Variants in DIP2C observed in about 807,000 individuals in gnomAD.
DIP2C encodes disco-interacting protein 2 homolog C.
Under a neutral mutation model 192.4 loss-of-function variants are expected in DIP2C, and 33 were observed. That is an observed-to-expected ratio of 0.17 (90% CI 0.13 to 0.23). The LOEUF (loss-of-function observed/expected upper bound fraction) is 0.23, where lower values mean the gene tolerates loss of function less well. Among genes scored for constraint, DIP2C ranks in the 10% least tolerant of loss-of-function variants. The probability of loss-of-function intolerance (pLI) is 1.00; values close to 1 mark genes in which losing one functional copy is unlikely to be tolerated. For missense variants in DIP2C, 1,537 were observed against 2,110.1 expected (o/e 0.73, Z 5.32); for synonymous variants, 979 against 864.1 (o/e 1.13, Z -2.33).
chr10:312,215 C>T (rs1956595992), intron 31 of DIP2C, among the ~76,000 whole-genome samples: 1 of 152,212 alleles, frequency 6.6e-6, no homozygotes, highest in Non-Finnish European at 1.5e-5. Context: ...CTGTTTTCTT[C>T]TCCTCCTCGT....
rs190117301 is a variant in DIP2C at position 348,349 on chromosome 10, G to A, written c.3231+292C>T. 5.3e-4 allele frequency among the ~76,000 whole-genome samples: 80 copies of A among 152,338 alleles called. 2 individuals are homozygous for A. In the South Asian group the frequency reaches 5.6e-3, roughly 11 times the overall value. ...GTGGTCGGTCTGCTCAGCTGGGTTC[G>A]TGAGGAAGCCCGAGGAATGGTGGTG... On this transcript the variant is annotated intron_variant, in intron 26 of 36. Coordinates refer to ENST00000280886, the MANE Select transcript of DIP2C (RefSeq NM_014974.3).
chr10:577,395 C>T (rs888046781), intron 1 of DIP2C, among the ~76,000 whole-genome samples: 1 of 152,110 alleles, frequency 6.6e-6, no homozygotes, highest in African/African-American at 2.4e-5. Context: ...AAGTCAGTAC[C>T]CTTTCTATGT....
chr10:382,803 G>A (rs375412200), intron 16 of DIP2C, 42 bp from the exon 17 acceptor site: 2 of 1,400,470 alleles, frequency 1.4e-6, no homozygotes, highest in Non-Finnish European at 2.0e-6. Flanking sequence ...CTGAAGCACT[G>A]TGATTGATTA....
chr10:663,144 G>T (rs1256334523), intron 1 of DIP2C: 6 of 488,490 alleles, frequency 1.2e-5, no homozygotes, highest in Admixed American at 3.6e-5. Context: ...CCTCAGCATG[G>T]GTGAGTTTCT....
Position 574,446 on chromosome 10 carries a change from C to G in DIP2C, c.86-87916G>C, listed in dbSNP as rs781776769. On this transcript the variant is annotated intron_variant, in intron 1 of 36. Transcript: ENST00000280886. The stretch of plus-strand genomic sequence containing the variant: ...CTAACGATGAAGCAGAAGACAATTC[C>G]TCAGCAGACAGCCTCATATGACGTG... Among the ~76,000 whole-genome samples the G allele has an allele frequency of 3.7e-4, 56 of 152,328 alleles. 1 individual carries two copies. Among genetic ancestry groups the G allele is most frequent in the Non-Finnish European group, 7.2e-4 (49 of 68,024 alleles).
intron 1 of DIP2C, among the ~76,000 whole-genome samples, chr10:501,658 AAGC>A (rs1366866906): frequency 1.3e-5 from 2 of 152,196 alleles, no homozygotes; most frequent in Middle Eastern, 3.4e-3. Flanking sequence ...TTGCAGAACA[AAGC>A]AGTCCAGACA....
chr10:304,312 G>C (rs1249790547), intron 32 of DIP2C, among the ~76,000 whole-genome samples: 2 of 152,156 alleles, frequency 1.3e-5, no homozygotes, highest in Non-Finnish European at 2.9e-5. Flanking sequence ...CTTCATTACA[G>C]TCTTACGGAA....
chr10:424,382 T>TTTTTTTTTTG (rs1388302720), intron 4 of DIP2C, among the ~76,000 whole-genome samples: 5 of 101,402 alleles, frequency 4.9e-5, no homozygotes, highest in Middle Eastern at 6.3e-3. Flanking sequence ...TTTTTTTTTT[T>TTTTTTTTTTG]TGAGACAGAG....
At chr10:368,380 T>G (rs1214501238) in intron 18 of DIP2C, among the ~76,000 whole-genome samples, 1 of 152,192 alleles carries the variant, frequency 6.6e-6, no homozygotes, top group African/African-American at 2.4e-5. Flanking sequence ...AATTAAATAT[T>G]AAAGAAATGG....
rs1361673957 is a variant in DIP2C at position 689,536 on chromosome 10, C to A, written c.43G>T (p.Val15Leu). ...SLEGMALPLEVRARLAELELE... is the reference protein window; with the variant it reads ...SLEGMALPLELRARLAELELE... The stretch of plus-strand genomic sequence containing the variant: ...TCCAGCTCGGCCAGGCGCGCCCGCA[C>A]CTCCAGGGGCAGCGCCATGCCCTCC... Residue 15 changes from valine to leucine, a missense_variant, in exon 1 of 37, where the codon GTG becomes TTG. Coordinates refer to ENST00000280886, the MANE Select transcript of DIP2C (RefSeq NM_014974.3). The surrounding 1 kb of genome is among the most constrained non-coding windows in gnomAD (Gnocchi z 6.1). The A allele has an allele frequency of 1.5e-6, 2 of 1,299,822 alleles. No individual in the cohort carries two copies. 80.5% of individuals were successfully genotyped at this position (1,299,822 alleles called of 1,614,324 possible).
At chr10:361,098 A>G (rs1238257357) in intron 22 of DIP2C, among the ~76,000 whole-genome samples, 1 of 152,188 alleles carries the variant, frequency 6.6e-6, no homozygotes, top group African/African-American at 2.4e-5. Context: ...AATATTTGTT[A>G]AAAAGCTTTT....
intron 2 of DIP2C, among the ~76,000 whole-genome samples, chr10:484,180 A>G (rs1843828539): frequency 6.6e-6 from 1 of 152,102 alleles, no homozygotes; most frequent in African/African-American, 2.4e-5. Flanking sequence ...CCTGCATATG[A>G]TTTTCTTCAT....
At chr10:365,764 T>G (rs557448139) in intron 19 of DIP2C, among the ~76,000 whole-genome samples, 6 of 152,326 alleles carry the variant, frequency 3.9e-5, no homozygotes, top group African/African-American at 1.2e-4. Flanking sequence ...GTACACCACA[T>G]GCATACTTGC....
chr10:569,917 T>C (rs1287314590), intron 1 of DIP2C, among the ~76,000 whole-genome samples: 2 of 152,228 alleles, frequency 1.3e-5, no homozygotes, highest in African/African-American at 4.8e-5. Flanking sequence ...CAGCAAGTTC[T>C]GGAAGCCAGA....
At position 274,759 on chromosome 10, in the gene DIP2C, G is replaced by C. The variant is rs1466186992; in HGVS notation, c.*2566C>G. 1 of 152,186 alleles carries C rather than the reference G, an allele frequency of 6.6e-6. No individual in the cohort carries two copies. The highest frequency in any genetic ancestry group is 2.4e-5 in the African/African-American group (1 of 41,450). 9.4% of individuals were successfully genotyped at this position (152,186 alleles called of 1,614,324 possible). A position where few individuals can be genotyped will look rare whatever the true frequency, so the allele number is the denominator to read the frequency against. On this transcript the variant is annotated 3_prime_UTR_variant, in exon 37 of 37. Transcript: ENST00000280886. ...CACCATGAGGAATCTGCTCCTGTTT[G>C]ATTAGGTCTGTGTTTATATGTTCAC... is the stretch of plus-strand genomic sequence containing the variant.
intron 32 of DIP2C, among the ~76,000 whole-genome samples, chr10:290,079 G>A (rs1371758169): frequency 6.6e-6 from 1 of 152,222 alleles, no homozygotes; most frequent in East Asian, 1.9e-4. Context: ...TCCTCTGCGG[G>A]AGAACAGAGA....
rs982212829 is a variant in DIP2C at position 636,724 on chromosome 10, C to T, written c.85+52770G>A. 2.0e-4 allele frequency among the ~76,000 whole-genome samples: 30 copies of T among 152,184 alleles called. No homozygotes were observed. Among genetic ancestry groups the T allele is most frequent in the Non-Finnish European group, 3.8e-4 (26 of 68,036 alleles). ...ACACCCTTTATCTGTGATGACTTTT[C>T]GAGAGTCTGGGGCCAACGTCCTGCA... is the stretch of plus-strand genomic sequence containing the variant. On this transcript the variant is annotated intron_variant, in intron 1 of 36. Coordinates refer to ENST00000280886, the MANE Select transcript of DIP2C (RefSeq NM_014974.3). This position sits in a 1 kb window ranked among gnomAD's most constrained non-coding sequence, Gnocchi z 4.6.
intron 31 of DIP2C, among the ~76,000 whole-genome samples, chr10:313,811 C>A (rs977567719): frequency 2.6e-5 from 4 of 152,180 alleles, no homozygotes; most frequent in African/African-American, 9.7e-5. Flanking sequence ...ATATTTAAAT[C>A]TCAGGTGAAG....
rs538000003 is a variant in DIP2C at position 537,413 on chromosome 10, G to A, written c.86-50883C>T. On this transcript the variant is annotated intron_variant, in intron 1 of 36. Coordinates refer to ENST00000280886, the MANE Select transcript of DIP2C (RefSeq NM_014974.3). ...GTTAACTAATAAGGATCACCCTGGCGCAGACTCCGGTTCCTTTCAATTCGC... is the reference window on the plus strand; with the variant it reads ...GTTAACTAATAAGGATCACCCTGGCACAGACTCCGGTTCCTTTCAATTCGC... Among the ~76,000 whole-genome samples the A allele has an allele frequency of 9.2e-4, 140 of 152,178 alleles. 1 individual carries two copies. The highest frequency in any genetic ancestry group is 5.3e-4 in the Non-Finnish European group (36 of 68,020).
Sources: gnomAD v4.1 joint callset for allele counts (sites outside exome capture counted in the v4.1 genomes callset) on GRCh38, gnomAD v4.1.1 for gene constraint, Gnocchi (gnomAD v3.1) non-coding constraint, MANE v1.5 for transcripts, NCBI Gene and HGNC (gene_info 2026-07-23, HGNC 2026-07-21) for gene names.